Variants in CUL5 observed in about 807,000 individuals in gnomAD.
The protein encoded by CUL5 is cullin-5.
A neutral mutation model predicts 108.8 loss-of-function variants in CUL5; 26 were observed. The ratio of observed to expected loss-of-function variants is 0.24; its 90% CI spans 0.18 to 0.33. The LOEUF is 0.33. Ranked by LOEUF, CUL5 falls within the 10% of genes least tolerant of loss-of-function variation. The pLI is 1.00. For missense variants in CUL5, 524 were observed against 909.2 expected (o/e 0.58, Z 5.45); for synonymous variants, 334 against 298.0 (o/e 1.12, Z -1.25).
intron 18 of CUL5, among the ~76,000 whole-genome samples, chr11:108,102,378 G>A (rs1350703439): frequency 2.0e-5 from 3 of 152,106 alleles, no homozygotes; most frequent in Non-Finnish European, 2.9e-5. Flanking sequence ...CCAGGCTGGA[G>A]TGCAGTGGTA....
intron 10 of CUL5, 23 bp from the exon 11 acceptor site, chr11:108,078,148 ATATTT>A (rs1565261212): frequency 5.3e-6 from 7 of 1,320,428 alleles, no homozygotes; most frequent in Non-Finnish European, 3.2e-6. Context: ...AATATTAAAA[ATATTT>A]TATTCCAAAT....
chr11:108,090,648 A>G (rs1176920167), intron 13 of CUL5, among the ~76,000 whole-genome samples: 1 of 152,218 alleles, frequency 6.6e-6, no homozygotes, highest in South Asian at 2.1e-4. Context: ...TATTTAGGGT[A>G]ATCAATGCTG....
At position 108,038,430 on chromosome 11, in the gene CUL5, G is replaced by T. The variant is rs542900682; in HGVS notation, c.134+4519G>T. 2.0e-4 allele frequency among the ~76,000 whole-genome samples: 31 copies of T among 152,244 alleles called. No homozygotes were observed. The Middle Eastern group carries it at 0.014, about 67-fold the overall frequency. Reference sequence around the variant, plus strand: ...TGGCCAGGTGTGGTGGCTCACACCTGTAATCCCAGCACTTTGGGAGGCTGA... The same window carrying T: ...TGGCCAGGTGTGGTGGCTCACACCTTTAATCCCAGCACTTTGGGAGGCTGA... On this transcript the variant is annotated intron_variant, in intron 2 of 18. Coordinates refer to ENST00000393094, the MANE Select transcript of CUL5 (RefSeq NM_003478.6).
intron 1 of CUL5, among the ~76,000 whole-genome samples, chr11:108,026,754 G>A (rs759279994): frequency 2.6e-5 from 4 of 152,120 alleles, no homozygotes; most frequent in Admixed American, 1.3e-4. Context: ...ACTTTGGGAG[G>A]CTGAGGTGGG....
chr11:108,088,568 T>C lies in CUL5; in HGVS notation c.1220T>C (p.Leu407Pro). ...KTQPESKCPE[L>P]LANYCDMLLR... ...CAGCCTGAATCAAAATGCCCTGAGC[T>C]GCTTGCCAATTACTGTGACATGTTG... Residue 407 changes from leucine to proline, a missense_variant, in exon 12 of 19, where the codon CTG (leucine) becomes CCG (proline). Leu to Pro is a moderately conservative substitution (Grantham distance 98, BLOSUM62 -3). Transcript: ENST00000393094. The C allele has an allele frequency of 6.2e-7, 1 of 1,612,006 alleles. No individual in the cohort carries two copies. Among genetic ancestry groups the C allele is most frequent in the South Asian group, 1.1e-5 (1 of 90,686 alleles).
intron 13 of CUL5, among the ~76,000 whole-genome samples, chr11:108,093,920 C>CT (rs1020732875): frequency 3.3e-5 from 5 of 152,118 alleles, no homozygotes; most frequent in Non-Finnish European, 7.4e-5. Flanking sequence ...CCAGGCTGGT[C>CT]TTAAAATCCT....
chr11:108,042,272 C>T (rs980788627), intron 2 of CUL5, among the ~76,000 whole-genome samples: 19 of 140,744 alleles, frequency 1.3e-4, no homozygotes, highest in Non-Finnish European at 2.9e-4. Flanking sequence ...CAGGCTGCAG[C>T]GCAGTGGTGC....
intron 7 of CUL5, among the ~76,000 whole-genome samples, chr11:108,061,227 C>T (rs933852493): frequency 6.6e-6 from 1 of 152,048 alleles, no homozygotes; most frequent in African/African-American, 2.4e-5. Flanking sequence ...TTTCAAATAA[C>T]AAGTTATATA....
chr11:108,106,398 G>A lies in CUL5; in HGVS notation c.*2014G>A, dbSNP rs1864801782. ...GAGTCATGATGTTTTGATTTATGAAGGTGAATTTAATGCAAAAGTGGGTAA... is the reference window on the plus strand; with the variant it reads ...GAGTCATGATGTTTTGATTTATGAAAGTGAATTTAATGCAAAAGTGGGTAA... On this transcript the variant is annotated 3_prime_UTR_variant, in exon 19 of 19. Coordinates refer to ENST00000393094, the MANE Select transcript of CUL5 (RefSeq NM_003478.6). 6.6e-6 allele frequency: 1 copy of A among 152,446 alleles called. No homozygotes were observed. Among genetic ancestry groups the A allele is most frequent in the African/African-American group, 2.4e-5 (1 of 41,416 alleles). The allele number at this position is 152,446 out of a possible 1,614,324, so 9.4% of individuals were successfully genotyped here.
In CUL5 at chr11:108,017,968, A is replaced by G. The variant is rs987101423; in HGVS notation, c.24+8596A>G. ...TTGTTGAATGTTCTTTTTCTTCCTCATGTTGACATTTCAGCCAGATCCTAT... is the reference window on the plus strand; with the variant it reads ...TTGTTGAATGTTCTTTTTCTTCCTCGTGTTGACATTTCAGCCAGATCCTAT... On this transcript the variant is annotated intron_variant, in intron 1 of 18. Transcript: ENST00000393094. Among the ~76,000 whole-genome samples, 3 of 152,210 alleles carry G rather than the reference A, an allele frequency of 2.0e-5. No homozygotes were observed. The South Asian group carries it at 6.2e-4, about 32-fold the overall frequency.
intron 11 of CUL5, 52 bp downstream of exon 11, chr11:108,078,292 AT>A: frequency 9.5e-7 from 1 of 1,053,906 alleles, no homozygotes; most frequent in Non-Finnish European, 1.4e-6. Flanking sequence ...CTTTAGTGTA[AT>A]AGGGGTTAAC....
At chr11:108,017,813 C>T (rs1862240237) in intron 1 of CUL5, among the ~76,000 whole-genome samples, 2 of 152,008 alleles carry the variant, frequency 1.3e-5, no homozygotes, top group African/African-American at 2.4e-5. Context: ...TGCTGCTGCA[C>T]TCTAGCCTGG....
intron 2 of CUL5, among the ~76,000 whole-genome samples, chr11:108,037,759 A>G (rs1372047949): frequency 1.3e-5 from 2 of 152,210 alleles, no homozygotes; most frequent in East Asian, 3.8e-4. Context: ...AAGAAAAGGA[A>G]GTGTTCAACG....
chr11:108,086,665 A>C (rs1864228859), intron 11 of CUL5, among the ~76,000 whole-genome samples: 1 of 151,854 alleles, frequency 6.6e-6, no homozygotes, highest in African/African-American at 2.4e-5. Context: ...TTCCACATTC[A>C]CTCTTTTCTA....
chr11:108,070,977 T>C (rs1200455805), intron 8 of CUL5, among the ~76,000 whole-genome samples: 1 of 152,234 alleles, frequency 6.6e-6, no homozygotes, highest in Non-Finnish European at 1.5e-5. Flanking sequence ...GTCTGATCTA[T>C]GTTGCACTCT....
intron 1 of CUL5, among the ~76,000 whole-genome samples, chr11:108,026,337 ATTC>A (rs1339282650): frequency 6.6e-6 from 1 of 152,096 alleles, no homozygotes; most frequent in Non-Finnish European, 1.5e-5. Flanking sequence ...AGAGTCACTT[ATTC>A]TTCCACTTTC....
chr11:108,029,375 A>G (rs1862523603), intron 1 of CUL5, among the ~76,000 whole-genome samples: 1 of 152,234 alleles, frequency 6.6e-6, no homozygotes, highest in East Asian at 1.9e-4. Context: ...CCAGTGAATG[A>G]GAGAATTGTA....
At chr11:108,055,309 ACT>A (rs1388928935) in intron 7 of CUL5, among the ~76,000 whole-genome samples, 1 of 151,802 alleles carries the variant, frequency 6.6e-6, no homozygotes, top group Non-Finnish European at 1.5e-5. Flanking sequence ...GATACAGTTG[ACT>A]CTCTTTTTTT....
rs1042684122 is a variant in CUL5 at position 108,107,081 on chromosome 11, A to G, written c.*2697A>G. ...ATAAATATTAGAATATTACTATTCC[A>G]ATGATTAAATGAGGATCTTGAAATA... On this transcript the variant is annotated 3_prime_UTR_variant, in exon 19 of 19. Transcript: ENST00000393094. 1.3e-5 allele frequency: 2 copies of G among 151,688 alleles called. No individual in the cohort carries two copies. Among genetic ancestry groups the G allele is most frequent in the African/African-American group, 4.8e-5 (2 of 41,266 alleles). The allele number at this position is 151,688 out of a possible 1,614,324, so 9.4% of individuals were successfully genotyped here. A position where few individuals can be genotyped will look rare whatever the true frequency, so the allele number is the denominator to read the frequency against.
Sources: allele counts gnomAD v4.1 joint callset (sites outside exome capture counted in the v4.1 genomes callset), GRCh38; gene constraint gnomAD v4.1.1; transcripts MANE v1.5; gene names NCBI Gene and HGNC (gene_info 2026-07-23, HGNC 2026-07-21).